MSRA: variants seen among roughly 807,000 people sequenced by gnomAD.
MSRA encodes methionine sulfoxide reductase A.
MSRA carries 54 observed loss-of-function variants against 31.3 expected under a neutral mutation model. That is an observed-to-expected ratio of 1.73 (90% confidence interval 1.39 to 2.17). MSRA has a LOEUF of 2.17. MSRA is among the 30% of genes most tolerant of loss of function. MSRA has a pLI of 0.00. For missense variants in MSRA, 507 were observed against 300.9 expected, an observed-to-expected ratio of 1.69 and a Z score of -5.07; for synonymous variants, 169 against 116.5, an observed-to-expected ratio of 1.45 and a Z score of -2.90.
At chr8:10,422,155 G>A (rs371514999) in intron 5 of MSRA, among the ~76,000 whole-genome samples, 7 of 152,166 alleles carry the variant, frequency 4.6e-5, no homozygotes, top group African/African-American at 1.7e-4. Context: ...GGTGGTGTAC[G>A]CACTTGTAGG....
chr8:10,385,529 T>C (rs1214870712), intron 5 of MSRA, among the ~76,000 whole-genome samples: 1 of 151,820 alleles, frequency 6.6e-6, no homozygotes, highest in Non-Finnish European at 1.5e-5. Context: ...ACCTTGACAA[T>C]TGGGGCAGGA....
intron 1 of MSRA, among the ~76,000 whole-genome samples, chr8:10,137,456 T>G (rs960874969): frequency 2.0e-5 from 3 of 152,184 alleles, no homozygotes; most frequent in Admixed American, 6.5e-5. Flanking sequence ...TCGGTATTTA[T>G]TTCCTTATTC....
intron 2 of MSRA, among the ~76,000 whole-genome samples, chr8:10,234,017 A>G (rs1171565517): frequency 2.0e-5 from 3 of 152,218 alleles, no homozygotes; most frequent in Non-Finnish European, 4.4e-5. Context: ...ACAATGGAGT[A>G]ACATCTTCAA....
intron 3 of MSRA, among the ~76,000 whole-genome samples, chr8:10,278,359 C>T (rs919363528): frequency 1.9e-4 from 29 of 152,334 alleles, no homozygotes; most frequent in Admixed American, 7.8e-4. Context: ...ACAAGTAGAT[C>T]CAGCAAATGT....
chr8:10,339,557 T>TC lies in MSRA; in HGVS notation c.543+19569dup, dbSNP rs1237455617. 1.1e-4 allele frequency among the ~76,000 whole-genome samples: 4 copies of TC among 37,084 alleles called. 1 individual carries two copies. The highest frequency in any genetic ancestry group is 4.1e-4 in the African/African-American group (4 of 9,846). 24.3% of individuals were successfully genotyped at this position (37,084 alleles called of 152,430 possible). On this transcript the variant is annotated intron_variant, in intron 5 of 5. Coordinates refer to ENST00000317173, the MANE Select transcript of MSRA (RefSeq NM_012331.5). ...TTTTTTTTTTTTTTTTTTTTTTTTT[T>TC]CTGAGACGGAATCTCGTTCTGTCGC...
At chr8:10,252,441 G>A (rs960248022) in intron 3 of MSRA, among the ~76,000 whole-genome samples, 3 of 152,132 alleles carry the variant, frequency 2.0e-5, no homozygotes, top group Admixed American at 6.5e-5. Context: ...TGAGTCCTGG[G>A]GTTTCCTGAT....
chr8:10,313,011 T>A (rs906019755), intron 4 of MSRA, among the ~76,000 whole-genome samples: 7 of 152,216 alleles, frequency 4.6e-5, no homozygotes, highest in African/African-American at 1.7e-4. Context: ...TCCTAGCTCA[T>A]GCAGTAAGTC....
intron 1 of MSRA, among the ~76,000 whole-genome samples, chr8:10,088,380 C>G (rs1428120702): frequency 1.3e-5 from 2 of 152,198 alleles, no homozygotes; most frequent in African/African-American, 2.4e-5. Context: ...GATGTCTGCA[C>G]TCCAATGTAT....
rs541205686 is a variant in MSRA, at chr8:10,266,224, G to A, written c.331+21001G>A. ...ATATTCCCATCAGCAGTGTACGAGG[G>A]TTCCAGTTTCTTCACTTGCTCATTA... On this transcript the variant is annotated intron_variant, in intron 3 of 5. Coordinates refer to ENST00000317173, the MANE Select transcript of MSRA (RefSeq NM_012331.5). Among the ~76,000 whole-genome samples, 4 of 152,262 alleles carry A rather than the reference G, an allele frequency of 2.6e-5. No homozygotes were observed. In the South Asian group the frequency reaches 6.2e-4, roughly 24 times the overall value.
At chr8:10,148,310 T>C (rs561897967) in intron 1 of MSRA, among the ~76,000 whole-genome samples, 1 of 152,236 alleles carries the variant, frequency 6.6e-6, no homozygotes, top group Admixed American at 6.5e-5. Context: ...TTTTTCTTTT[T>C]TTTTTTTTTA....
intron 1 of MSRA, among the ~76,000 whole-genome samples, chr8:10,179,800 C>T (rs1420700609): frequency 2.0e-5 from 3 of 152,176 alleles, no homozygotes; most frequent in Non-Finnish European, 4.4e-5. Context: ...GAAGGTAAAG[C>T]GCTTAGCTCA....
intron 2 of MSRA, among the ~76,000 whole-genome samples, chr8:10,211,806 C>A (rs948256726): frequency 6.6e-6 from 1 of 152,108 alleles, no homozygotes; most frequent in Non-Finnish European, 1.5e-5. Context: ...CCGTTGGCCA[C>A]GGTCCACTCT....
intron 1 of MSRA, among the ~76,000 whole-genome samples, chr8:10,098,357 T>A (rs960361054): frequency 6.6e-6 from 1 of 152,182 alleles, no homozygotes; most frequent in East Asian, 1.9e-4. Context: ...TCCATTTTGA[T>A]GTATGTACCT....
At chr8:10,260,951 T>A (rs1311722546) in intron 3 of MSRA, among the ~76,000 whole-genome samples, 2 of 152,210 alleles carry the variant, frequency 1.3e-5, no homozygotes, top group African/African-American at 4.8e-5. Context: ...GAATCTTTAG[T>A]CTAAGCACAA....
chr8:10,281,941 A>C (rs1006209610), intron 3 of MSRA, among the ~76,000 whole-genome samples: 4 of 152,140 alleles, frequency 2.6e-5, no homozygotes, highest in Non-Finnish European at 5.9e-5. Flanking sequence ...TACGGGGCTT[A>C]CTTTGCAGGT....
At chr8:10,333,400 G>A (rs1802821420) in intron 5 of MSRA, among the ~76,000 whole-genome samples, 1 of 152,196 alleles carries the variant, frequency 6.6e-6, no homozygotes, top group African/African-American at 2.4e-5. Flanking sequence ...GAGGTGAAGA[G>A]CAGGAAATGG....
At chr8:10,410,743 C>T (rs1398855773) in intron 5 of MSRA, among the ~76,000 whole-genome samples, 1 of 152,188 alleles carries the variant, frequency 6.6e-6, no homozygotes. Flanking sequence ...CTTAGAGATG[C>T]ACAGTGCTGC....
intron 2 of MSRA, among the ~76,000 whole-genome samples, chr8:10,220,355 A>G (rs1478745780): frequency 1.3e-5 from 2 of 152,144 alleles, no homozygotes; most frequent in Non-Finnish European, 2.9e-5. Flanking sequence ...TGGGATTCCA[A>G]CATTCATGAT....
chr8:10,177,965 C>G (rs1327092118), intron 1 of MSRA, among the ~76,000 whole-genome samples: 1 of 152,086 alleles, frequency 6.6e-6, no homozygotes, highest in Non-Finnish European at 1.5e-5. Context: ...TACTTTGAAC[C>G]AGGTCAAGAA....
Sources: allele counts gnomAD v4.1 joint callset (sites outside exome capture counted in the v4.1 genomes callset), GRCh38; gene constraint gnomAD v4.1.1; transcripts MANE v1.5; gene names NCBI Gene and HGNC (gene_info 2026-07-23, HGNC 2026-07-21).